The following PACS1 variants were observed in gnomAD, a reference collection of about 807,000 sequenced individuals.
The protein encoded by PACS1 is phosphofurin acidic cluster sorting protein 1.
Under a neutral mutation model 115.0 loss-of-function variants are expected in PACS1, and 24 were observed. That is an observed-to-expected ratio of 0.21 (90% confidence interval 0.15 to 0.29). The LOEUF is 0.29. Among genes scored for constraint, PACS1 ranks in the 10% least tolerant of loss-of-function variants. PACS1 has a pLI of 1.00. For synonymous variants in PACS1, 453 were observed against 504.5 expected (o/e 0.90, Z 1.37); for missense variants, 838 against 1,251.2 (o/e 0.67, Z 4.98).
intron 2 of PACS1, among the ~76,000 whole-genome samples, chr11:66,208,752 A>C (rs994184274): frequency 1.1e-4 from 16 of 152,008 alleles, no homozygotes; most frequent in Non-Finnish European, 2.2e-4. Flanking sequence ...TCAAGGGAGA[A>C]AAAAGAAAAT....
At chr11:66,214,591 A>C (rs1487571625) in intron 4 of PACS1, among the ~76,000 whole-genome samples, 19 of 74,222 alleles carry the variant, frequency 2.6e-4, no homozygotes, top group Non-Finnish European at 2.8e-4. Context: ...TCTCGCTCCC[A>C]TTCTTTCTTC....
intron 2 of PACS1, among the ~76,000 whole-genome samples, chr11:66,205,794 A>G (rs191598979): frequency 7.2e-4 from 110 of 152,114 alleles, no homozygotes; most frequent in Non-Finnish European, 1.4e-3. Context: ...ACATTCAGCA[A>G]TAATACTGTT....
Position 66,153,846 on chromosome 11 carries a change from C to T in PACS1, c.357-39640C>T, listed in dbSNP as rs139549620. Among the ~76,000 whole-genome samples, 101 of 152,138 alleles carry T rather than the reference C, an allele frequency of 6.6e-4. 1 individual carries two copies. The highest frequency in any genetic ancestry group is 2.4e-3 in the African/African-American group (98 of 41,520). On this transcript the variant is annotated intron_variant, in intron 1 of 23. Coordinates refer to ENST00000320580, the MANE Select transcript of PACS1 (RefSeq NM_018026.4). ...ATAGGTGTAATTATGACAACAGTAG[C>T]ACTAAGATGGGGCAGGGCAAATGGA...
intron 1 of PACS1, among the ~76,000 whole-genome samples, chr11:66,191,504 G>A (rs1247010098): frequency 6.6e-6 from 1 of 152,162 alleles, no homozygotes; most frequent in Non-Finnish European, 1.5e-5. Flanking sequence ...GGCTGTAAGT[G>A]AATTTGGGCA....
intron 1 of PACS1, among the ~76,000 whole-genome samples, chr11:66,160,583 A>G: frequency 6.6e-6 from 1 of 151,932 alleles, no homozygotes; most frequent in Middle Eastern, 3.4e-3. Context: ...TGTATCCTCA[A>G]TCTCCTGGGC....
chr11:66,089,671 C>T (rs1407683217), intron 1 of PACS1, among the ~76,000 whole-genome samples: 2 of 152,048 alleles, frequency 1.3e-5, no homozygotes, highest in Admixed American at 1.3e-4. Flanking sequence ...GAAGAACAGA[C>T]GAGACAACTT....
At chr11:66,227,352 C>T (rs745726256) in intron 10 of PACS1, 152 bp from the exon 11 acceptor site, 9 of 550,444 alleles carry the variant, frequency 1.6e-5, no homozygotes, top group African/African-American at 3.9e-5. Flanking sequence ...GAAATGTACC[C>T]GCCTCCCCGG....
rs1279654787 is a variant in PACS1 at position 66,220,737 on chromosome 11, G to A, written c.1145G>A (p.Gly382Asp). The change falls in exon 9 of 24, where the codon GGC (glycine) becomes GAC (aspartate). Residue 382 changes from glycine (G) to aspartate (D), a missense_variant. Transcript: ENST00000320580. ...GAGATGTACAACCCCAGCGACAGTG[G>A]CCCTGAGATGGAGGAGACAGAAAGC... ...SLEMYNPSDS[G>D]PEMEETESIL... is the part of the protein sequence containing the mutation. 6.2e-7 allele frequency: 1 copy of A among 1,614,104 alleles called. No homozygotes were observed. Among genetic ancestry groups the A allele is most frequent in the Admixed American group, 1.7e-5 (1 of 60,018 alleles).
intron 1 of PACS1, among the ~76,000 whole-genome samples, chr11:66,174,937 G>T (rs895215986): frequency 1.2e-4 from 18 of 152,158 alleles, no homozygotes; most frequent in African/African-American, 4.3e-4. Context: ...GATCACCTGA[G>T]GTCAGGAGTT....
intron 2 of PACS1, among the ~76,000 whole-genome samples, chr11:66,204,621 TA>T (rs1854890149): frequency 6.6e-6 from 1 of 152,014 alleles, no homozygotes; most frequent in Admixed American, 6.6e-5. Context: ...TATGCAGCCA[TA>T]AAAAAGAATG....
intron 21 of PACS1, among the ~76,000 whole-genome samples, chr11:66,240,176 G>A (rs1460414294): frequency 2.6e-5 from 4 of 152,228 alleles, no homozygotes; most frequent in South Asian, 4.1e-4. Flanking sequence ...GAGCCGGCGC[G>A]GGAGCAAGCG....
chr11:66,212,374 C>T lies in PACS1; in HGVS notation c.660+1115C>T, dbSNP rs182041937. 6.7e-4 allele frequency among the ~76,000 whole-genome samples: 101 copies of T among 151,588 alleles called. 2 individuals carry two copies. In the East Asian group the frequency reaches 0.018, roughly 27 times the overall value. On this transcript the variant is annotated intron_variant, in intron 4 of 23. Transcript: ENST00000320580. Reference sequence around the variant, plus strand: ...GTCTCATTCTCCTGACCTTGTGATCCGCCCGCCTTGGCCTCCCAAAGTGCT... The same window carrying T: ...GTCTCATTCTCCTGACCTTGTGATCTGCCCGCCTTGGCCTCCCAAAGTGCT...
At chr11:66,219,551 C>T in intron 7 of PACS1, 195 bp from the exon 8 acceptor site, 1 of 694,802 alleles carries the variant, frequency 1.4e-6, no homozygotes, top group South Asian at 1.5e-5. Flanking sequence ...GCAGCTGCAC[C>T]CAAGGCCCAG....
chr11:66,209,509 G>C (rs770879351), intron 2 of PACS1, among the ~76,000 whole-genome samples: 1 of 152,186 alleles, frequency 6.6e-6, no homozygotes, highest in Non-Finnish European at 1.5e-5. Flanking sequence ...TCATTTTGCT[G>C]TGATAACCTT....
chr11:66,088,166 ATATTTATT>A (rs556579217), intron 1 of PACS1, among the ~76,000 whole-genome samples: 328 of 151,378 alleles, frequency 2.2e-3, no homozygotes, highest in Non-Finnish European at 4.0e-3. Context: ...TTTACTCTTT[ATATTTATT>A]TATTTATTTA....
At chr11:66,072,421 G>A (rs756218992) in intron 1 of PACS1, among the ~76,000 whole-genome samples, 1 of 152,086 alleles carries the variant, frequency 6.6e-6, no homozygotes, top group Non-Finnish European at 1.5e-5. Flanking sequence ...TGGGATTGCC[G>A]CTCGCAGGGT....
chr11:66,110,635 C>T (rs1431879936), intron 1 of PACS1, among the ~76,000 whole-genome samples: 1 of 152,100 alleles, frequency 6.6e-6, no homozygotes, highest in Non-Finnish European at 1.5e-5. Context: ...TGCAGTGATG[C>T]GATCTCGGCT....
rs561659610 is a variant in PACS1 at position 66,140,036 on chromosome 11, G to A, written c.357-53450G>A. 4.6e-5 allele frequency among the ~76,000 whole-genome samples: 7 copies of A among 152,274 alleles called. No individual in the cohort carries two copies. In the South Asian group the frequency reaches 1.4e-3, roughly 32 times the overall value. ...TTTGGCAAAACCAACCTTTACCCAC[G>A]TACTGAATCTGATAACGTGGCTTTT... On this transcript the variant is annotated intron_variant, in intron 1 of 23. Transcript: ENST00000320580.
intron 2 of PACS1, among the ~76,000 whole-genome samples, chr11:66,203,847 A>G (rs1854872726): frequency 7.0e-6 from 1 of 142,342 alleles, no homozygotes; most frequent in African/African-American, 2.5e-5. Flanking sequence ...ATATACAAAA[A>G]TCAGATAAAA....
Sources: gnomAD v4.1 joint callset for allele counts (sites outside exome capture counted in the v4.1 genomes callset) on GRCh38, gnomAD v4.1.1 for gene constraint, MANE v1.5 for transcripts, NCBI Gene and HGNC (gene_info 2026-07-23, HGNC 2026-07-21) for gene names.